The following SP140L variants were observed in gnomAD, a reference collection of about 807,000 sequenced individuals.
The protein encoded by SP140L is SP140 like nuclear body protein, also known as nuclear body protein SP140-like protein.
In SP140L, 64 loss-of-function variants were observed where a neutral mutation model predicts 84.3. That is an observed-to-expected ratio of 0.76 (90% CI 0.62 to 0.94). The LOEUF is 0.94. SP140L is among the 40% of genes least tolerant of loss of function. SP140L has a pLI of 0.00. For missense variants in SP140L, 628 were observed against 692.5 expected (o/e 0.91, Z 1.05); for synonymous variants, 242 against 236.9 (o/e 1.02, Z -0.20).
At position 230,350,867 on chromosome 2, in the gene SP140L, T is replaced by C. The variant is rs2060342599; in HGVS notation, c.108-6938T>C. Among the ~76,000 whole-genome samples, 4 of 152,120 alleles carry C rather than the reference T, an allele frequency of 2.6e-5. No homozygotes were observed. In the South Asian group the frequency reaches 8.3e-4, roughly 31 times the overall value. ...GAAATTAGTTCACTGCATAGATACA[T>C]ATATCTATGCTAGGCAGAAGAAACA... On this transcript the variant is annotated intron_variant, in intron 2 of 18. Transcript: ENST00000415673.
chr2:230,384,927 A>G lies in SP140L; in HGVS notation c.704-297A>G, dbSNP rs150801850. ...ACTCTGTCTTTAAAAAACAAAACAA[A>G]CAAACAAAAAACAAGAATGGGTGTT... On this transcript the variant is annotated intron_variant, in intron 8 of 18. Transcript: ENST00000415673. Among the ~76,000 whole-genome samples, 187 of 152,236 alleles carry G rather than the reference A, an allele frequency of 1.2e-3. 2 individuals carry two copies. Among genetic ancestry groups the G allele is most frequent in the African/African-American group, 4.4e-3 (181 of 41,538 alleles).
intron 7 of SP140L, among the ~76,000 whole-genome samples, chr2:230,382,372 C>T (rs1272501672): frequency 6.6e-6 from 1 of 152,066 alleles, no homozygotes; most frequent in Admixed American, 6.6e-5. Flanking sequence ...AGACAGATAT[C>T]ACCAATGCTC....
At chr2:230,385,398 C>T in intron 9 of SP140L, 94 bp downstream of exon 9, 1 of 1,138,482 alleles carries the variant, frequency 8.8e-7, no homozygotes, top group Non-Finnish European at 1.3e-6. Context: ...GTTTACTAGT[C>T]AAACTTAGTC....
chr2:230,327,284 C>T lies in SP140L; in HGVS notation c.15C>T (p.Gly5=). Residue 5 remains glycine (G), a synonymous_variant, in exon 1 of 19, where the codon GGC becomes GGT. Coordinates refer to ENST00000415673, the MANE Select transcript of SP140L (RefSeq NM_138402.6). MAGG[G]SDLSTRGLNG... ...AGGGTGGGACGATGGCAGGTGGGGG[C>T]AGCGACCTGAGCACCAGGTGAGTCT... The T allele has an allele frequency of 1.9e-6, 3 of 1,611,758 alleles. No individual in the cohort carries two copies. In the South Asian group the frequency reaches 3.3e-5, roughly 18 times the overall value.
chr2:230,357,292 T>G (rs2149729395), intron 2 of SP140L, among the ~76,000 whole-genome samples: 1 of 152,320 alleles, frequency 6.6e-6, no homozygotes. Flanking sequence ...TAAACCACAT[T>G]GTATTATTTA....
intron 2 of SP140L, among the ~76,000 whole-genome samples, chr2:230,346,807 C>T (rs995017351): frequency 1.3e-5 from 2 of 152,132 alleles, no homozygotes; most frequent in Non-Finnish European, 2.9e-5. Context: ...AGTTGTCCAT[C>T]TGTGTTCTCT....
chr2:230,390,020 C>T lies in SP140L; in HGVS notation c.961C>T (p.Gln321Ter), dbSNP rs773304325. 2.7e-5 allele frequency: 44 copies of T among 1,612,522 alleles called. No individual in the cohort carries two copies. The highest frequency in any genetic ancestry group is 3.6e-5 in the Non-Finnish European group (42 of 1,179,070). ...KGILHKEKLE[Q>*]GTLAKCIQTE... ...AATTTTACATAAGGAGAAATTGGAA[C>T]AAGGTGGGTTTCATAGTCTTCTTTA... Residue 321 changes from glutamine (Q) to a stop codon, truncating the protein, a stop_gained, in exon 11 of 19, where the codon CAA becomes TAA. Coordinates refer to ENST00000415673, the MANE Select transcript of SP140L (RefSeq NM_138402.6). LOFTEE classifies it high-confidence loss of function.
At chr2:230,391,778 C>T in intron 11 of SP140L, 1 of 253,882 alleles carries the variant, frequency 3.9e-6, no homozygotes, top group Non-Finnish European at 7.8e-6. Flanking sequence ...GGAGTCCTCT[C>T]ATCTTTCAGA....
chr2:230,367,412 C>T (rs1424372589), intron 5 of SP140L, among the ~76,000 whole-genome samples: 1 of 151,052 alleles, frequency 6.6e-6, no homozygotes, highest in Admixed American at 6.6e-5. Flanking sequence ...CCTGCCTCAG[C>T]CGTCCAAGTA....
At chr2:230,356,391 C>T (rs2149727267) in intron 2 of SP140L, among the ~76,000 whole-genome samples, 1 of 152,290 alleles carries the variant, frequency 6.6e-6, no homozygotes, top group South Asian at 2.1e-4. Context: ...GGTAGATTCA[C>T]ACAATGGAAT....
chr2:230,350,611 A>G (rs551978921), intron 2 of SP140L, among the ~76,000 whole-genome samples: 1 of 152,374 alleles, frequency 6.6e-6, no homozygotes. Context: ...TATGGCATAC[A>G]TATTTTTGGG....
At chr2:230,372,492 G>C (rs1428568231) in intron 7 of SP140L, 1 of 152,112 alleles carries the variant, frequency 6.6e-6, no homozygotes, top group East Asian at 1.9e-4. Context: ...TTGGGAGGCC[G>C]AGACGGGCGG....
At chr2:230,362,255 G>A (rs1165068433) in intron 5 of SP140L, among the ~76,000 whole-genome samples, 2 of 152,124 alleles carry the variant, frequency 1.3e-5, no homozygotes, top group South Asian at 2.1e-4. Flanking sequence ...GTTGAAATGG[G>A]GTTGTTATGC....
At chr2:230,349,324 T>C (rs961581308) in intron 2 of SP140L, among the ~76,000 whole-genome samples, 1 of 152,218 alleles carries the variant, frequency 6.6e-6, no homozygotes, top group Non-Finnish European at 1.5e-5. Flanking sequence ...TTTCTTCTTT[T>C]TATAGATTGT....
At chr2:230,354,887 AAGAAAG>A (rs1198324947) in intron 2 of SP140L, among the ~76,000 whole-genome samples, 1 of 150,330 alleles carries the variant, frequency 6.7e-6, no homozygotes, top group Non-Finnish European at 1.5e-5. Flanking sequence ...GAAAGAAAGA[AAGAAAG>A]AAAGGAAAGA....
chr2:230,339,237 G>T (rs1236578955), intron 2 of SP140L, among the ~76,000 whole-genome samples: 2 of 152,120 alleles, frequency 1.3e-5, no homozygotes, highest in Admixed American at 6.5e-5. Flanking sequence ...GAGTGTATGT[G>T]TCCAGGAATT....
At chr2:230,382,138 C>T (rs1012176272) in intron 7 of SP140L, among the ~76,000 whole-genome samples, 2 of 152,094 alleles carry the variant, frequency 1.3e-5, no homozygotes, top group Non-Finnish European at 2.9e-5. Flanking sequence ...CCTCTTTGTC[C>T]ATGACACCAA....
At chr2:230,376,810 G>C (rs898287231) in intron 7 of SP140L, among the ~76,000 whole-genome samples, 3 of 152,058 alleles carry the variant, frequency 2.0e-5, no homozygotes, top group Admixed American at 6.6e-5. Flanking sequence ...CACACCGTAT[G>C]ATTTTAAACT....
intron 5 of SP140L, among the ~76,000 whole-genome samples, chr2:230,369,172 C>G (rs2149759664): frequency 6.6e-6 from 1 of 152,330 alleles, no homozygotes; most frequent in East Asian, 1.9e-4. Context: ...GAAAGGCTTG[C>G]TGCTGAAGGT....
Sources: allele counts gnomAD v4.1 joint callset (sites outside exome capture counted in the v4.1 genomes callset), GRCh38; gene constraint gnomAD v4.1.1; transcripts MANE v1.5; gene names NCBI Gene and HGNC (gene_info 2026-07-23, HGNC 2026-07-21).